The following SOD2 variants were observed in gnomAD, a reference collection of about 807,000 sequenced individuals.
The protein encoded by SOD2 is superoxide dismutase [Mn], mitochondrial.
SOD2 carries 11 observed loss-of-function variants against 27.0 expected under a neutral mutation model. That is an observed-to-expected ratio of 0.41 (90% CI 0.26 to 0.67). The LOEUF is 0.67. Among genes scored for constraint, SOD2 ranks in the 30% least tolerant of loss-of-function variants. The pLI, the probability that SOD2 is intolerant of heterozygous loss-of-function variation, is 0.34. For missense variants in SOD2, 250 were observed against 274.5 expected (o/e 0.91, Z 0.63); for synonymous variants, 105 against 103.0 (o/e 1.02, Z -0.12).
intron 1 of SOD2, chr6:159,738,925 G>T (rs949706696): frequency 8.4e-7 from 1 of 1,195,130 alleles, no homozygotes; most frequent in Admixed American, 2.0e-5. Context: ...TGTTTCATAG[G>T]TCTCATTATA....
At chr6:159,717,164 A>G (rs1777934885) in intron 1 of SOD2, among the ~76,000 whole-genome samples, 1 of 152,190 alleles carries the variant, frequency 6.6e-6, no homozygotes, top group Admixed American at 6.5e-5. Context: ...TGTTTCCGAG[A>G]ATAATTGACT....
At chr6:159,715,321 A>G (rs567269257) in intron 1 of SOD2, among the ~76,000 whole-genome samples, 1 of 152,234 alleles carries the variant, frequency 6.6e-6, no homozygotes, top group South Asian at 2.1e-4. Flanking sequence ...CAACAAAAAC[A>G]TGTCTAACAG....
rs1004280355 is a variant in SOD2 at position 159,671,927 on chromosome 6, G to A, written c.*10566C>T. ...CTGATGGAGCTGAAAACCATGGCAT[G>A]AGAACTACGTGACGAATGCACAAGC... On this transcript the variant is annotated 3_prime_UTR_variant, in exon 5 of 5. Coordinates refer to ENST00000538183, the MANE Select transcript of SOD2 (RefSeq NM_000636.4). 1.1e-4 allele frequency: 16 copies of A among 152,192 alleles called. No homozygotes were observed. Among genetic ancestry groups the A allele is most frequent in the African/African-American group, 3.9e-4 (16 of 41,458 alleles). The allele number at this position is 152,192 out of a possible 1,614,324, so 9.4% of individuals were successfully genotyped here. A position where few individuals can be genotyped will look rare whatever the true frequency, so the allele number is the denominator to read the frequency against.
intron 1 of SOD2, among the ~76,000 whole-genome samples, chr6:159,707,085 A>G (rs2114815056): frequency 6.6e-6 from 1 of 152,326 alleles, no homozygotes; most frequent in South Asian, 2.1e-4. Context: ...ACAAAGACAC[A>G]ACATACCAGA....
At chr6:159,753,600 A>G in intron 1 of SOD2, 1 of 1,611,852 alleles carries the variant, frequency 6.2e-7, no homozygotes. Context: ...GAGGAGCTTA[A>G]AAGCAGTCAG....
intron 1 of SOD2, chr6:159,713,260 A>G (rs2114828437): frequency 1.4e-6 from 1 of 711,716 alleles, no homozygotes; most frequent in East Asian, 2.5e-5. Context: ...TACAGCCACG[A>G]TAGTCATCAT....
intron 3 of SOD2, among the ~76,000 whole-genome samples, chr6:159,686,871 T>G (rs755574807): frequency 6.6e-6 from 1 of 152,182 alleles, no homozygotes; most frequent in Non-Finnish European, 1.5e-5. Flanking sequence ...TTACGCCTCA[T>G]GCCCTCCCTG....
rs1036072707 is a variant in SOD2, at chr6:159,681,061, CA to C, written c.*1431del. The C allele has an allele frequency of 4.0e-5, 6 of 151,822 alleles. No homozygotes were observed. Among genetic ancestry groups the C allele is most frequent in the African/African-American group, 1.2e-4 (5 of 41,330 alleles). The allele number at this position is 151,822 out of a possible 1,614,324, so 9.4% of individuals were successfully genotyped here. ...AACAATTAGAAACAAATGAAATATT[CA>C]AAAACAGTAAATTAGGCAGATGATG... On this transcript the variant is annotated 3_prime_UTR_variant, in exon 5 of 5. Coordinates refer to ENST00000538183, the MANE Select transcript of SOD2 (RefSeq NM_000636.4).
chr6:159,755,713 G>T (rs751211863), intron 1 of SOD2: 5 of 1,014,204 alleles, frequency 4.9e-6, no homozygotes, highest in Admixed American at 7.2e-5. Context: ...TTTTGTGGGT[G>T]TACGTTTTGG....
In SOD2 at chr6:159,670,933, G is replaced by T. The variant is rs952794183; in HGVS notation, c.*11560C>A. 3 of 152,332 alleles carry T rather than the reference G, an allele frequency of 2.0e-5. No individual in the cohort carries two copies. Among genetic ancestry groups the T allele is most frequent in the African/African-American group, 7.2e-5 (3 of 41,454 alleles). The allele number at this position is 152,332 out of a possible 1,614,324, so 9.4% of individuals were successfully genotyped here. Reference sequence around the variant, plus strand: ...AATGGTCTTAGCAAACGGCACACCAGGAGATTATATCCTGTGCCTAGCTCG... The same window carrying T: ...AATGGTCTTAGCAAACGGCACACCATGAGATTATATCCTGTGCCTAGCTCG... On this transcript the variant is annotated 3_prime_UTR_variant, in exon 5 of 5. Coordinates refer to ENST00000538183, the MANE Select transcript of SOD2 (RefSeq NM_000636.4).
At chr6:159,728,355 T>G (rs941074584), upstream of SOD2, among the ~76,000 whole-genome samples, 8 of 152,212 alleles carry the variant, frequency 5.3e-5, no homozygotes, top group Non-Finnish European at 1.5e-5. Context: ...CACTTGGTTG[T>G]TTGATCCCAA....
At chr6:159,722,395 C>G (rs1487102387) in intron 1 of SOD2, among the ~76,000 whole-genome samples, 1 of 152,050 alleles carries the variant, frequency 6.6e-6, no homozygotes, top group Non-Finnish European at 1.5e-5. Flanking sequence ...AAAACAAAAA[C>G]AAATGAAACA....
intron 1 of SOD2, chr6:159,755,305 G>A (rs374008404): frequency 1.3e-5 from 21 of 1,614,124 alleles, no homozygotes; most frequent in Non-Finnish European, 1.7e-5. Flanking sequence ...TTCACAGGGA[G>A]GGCAACACAA....
intron 2 of SOD2, chr6:159,691,837 G>A (rs1021658543): frequency 1.3e-5 from 2 of 152,126 alleles, no homozygotes; most frequent in East Asian, 1.9e-4. Flanking sequence ...TTTTCCTTGT[G>A]AACTTTGACC....
At chr6:159,726,887 C>T (rs1562445921) in intron 1 of SOD2, 11 of 1,289,058 alleles carry the variant, frequency 8.5e-6, no homozygotes, top group South Asian at 2.5e-5. Flanking sequence ...GCCCGCGGCT[C>T]GCCGCCCACG....
chr6:159,722,730 TACA>T (rs1187451223), intron 1 of SOD2, among the ~76,000 whole-genome samples: 4 of 152,198 alleles, frequency 2.6e-5, no homozygotes, highest in African/African-American at 9.7e-5. Context: ...ACCCATTACC[TACA>T]ACAACTAGCC....
At chr6:159,748,836 C>G, upstream of SOD2, 2 of 1,223,382 alleles carry the variant, frequency 1.6e-6, no homozygotes, top group African/African-American at 1.6e-5. This position sits in a 1 kb window ranked among gnomAD's most constrained non-coding sequence, Gnocchi z 5.6. Flanking sequence ...CGCTCTTAAC[C>G]TTGAGCATAG....
intron 1 of SOD2, among the ~76,000 whole-genome samples, chr6:159,744,971 G>A (rs1016793693): frequency 2.0e-5 from 3 of 152,152 alleles, no homozygotes; most frequent in Non-Finnish European, 2.9e-5. Flanking sequence ...GTGAGCCATC[G>A]CACCTGGCCC....
chr6:159,712,346 A>ACAACCACCAC (rs1467857435), intron 1 of SOD2, among the ~76,000 whole-genome samples: 1 of 142,292 alleles, frequency 7.0e-6, no homozygotes, highest in African/African-American at 2.6e-5. Flanking sequence ...AACCACCTCC[A>ACAACCACCAC]TAACCACCAC....
Sources: allele counts gnomAD v4.1 joint callset (sites outside exome capture counted in the v4.1 genomes callset), GRCh38; gene constraint gnomAD v4.1.1; non-coding constraint Gnocchi (gnomAD v3.1); transcripts MANE v1.5; gene names NCBI Gene and HGNC (gene_info 2026-07-23, HGNC 2026-07-21).